Variants in INO80 observed in about 807,000 individuals in gnomAD.
The protein encoded by INO80 is INO80 complex ATPase subunit.
A neutral mutation model predicts 203.4 loss-of-function variants in INO80; 20 were observed. The ratio of observed to expected loss-of-function variants is 0.10; its 90% CI spans 0.07 to 0.14. The LOEUF (loss-of-function observed/expected upper bound fraction) is 0.14, where lower values mean the gene tolerates loss of function less well. Among genes scored for constraint, INO80 ranks in the 10% least tolerant of loss-of-function variants. INO80 has a pLI of 1.00. For missense variants in INO80, 1,419 were observed against 1,914.4 expected (o/e 0.74, Z 4.83); for synonymous variants, 726 against 685.2 (o/e 1.06, Z -0.93).
At chr15:41,114,726 G>C (rs1313241485) in intron 1 of INO80, among the ~76,000 whole-genome samples, 1 of 148,968 alleles carries the variant, frequency 6.7e-6, no homozygotes, top group African/African-American at 2.5e-5. Context: ...AAAAAAAAAA[G>C]GAATTAAGTA....
chr15:41,109,707 G>A (rs1396883025), intron 1 of INO80, among the ~76,000 whole-genome samples: 1 of 151,752 alleles, frequency 6.6e-6, no homozygotes, highest in African/African-American at 2.4e-5. Context: ...CGAGGCAGAT[G>A]GATCACCTGA....
rs201358643 is a variant in INO80, at chr15:41,090,421, C to CA, written c.537+1605dup. ...TGAAAACCCGTCTTTACTAAAAACG[C>CA]AAAAAAAAAGCCGGGCGTGGTGGCA... On this transcript the variant is annotated intron_variant, in intron 5 of 35. Coordinates refer to ENST00000648947, the MANE Select transcript of INO80 (RefSeq NM_017553.3). Among the ~76,000 whole-genome samples the CA allele has an allele frequency of 2.4e-3, 352 of 149,354 alleles. 1 individual carries two copies. Among genetic ancestry groups the CA allele is most frequent in the African/African-American group, 7.9e-3 (323 of 40,752 alleles).
At chr15:41,052,608 A>G (rs2140536530) in intron 19 of INO80, among the ~76,000 whole-genome samples, 1 of 148,496 alleles carries the variant, frequency 6.7e-6, no homozygotes, top group Middle Eastern at 3.5e-3. Context: ...AGGAGGTCAA[A>G]GCTGAAGTGA....
rs1404882439 is a variant in INO80 at position 41,073,337 on chromosome 15, G to C, written c.1395+91C>G. The stretch of plus-strand genomic sequence containing the variant: ...CTAGTCTATGCTTTTAATTGCAAAT[G>C]TGATTAAGACTAAAGGAAGACCACC... On this transcript the variant is annotated intron_variant, in intron 11 of 35. Transcript: ENST00000648947. The C allele has an allele frequency of 8.5e-6, 9 of 1,058,278 alleles. No homozygotes were observed. In the East Asian group the frequency reaches 2.1e-4, roughly 25 times the overall value. 65.6% of individuals were successfully genotyped at this position (1,058,278 alleles called of 1,614,324 possible).
At chr15:41,017,152 A>C (rs924790361) in intron 26 of INO80, 11 of 152,274 alleles carry the variant, frequency 7.2e-5, no homozygotes, top group South Asian at 4.1e-4. Context: ...CTCACTCACT[A>C]ACTTGTGCTT....
chr15:41,017,556 C>T (rs2044229013), intron 26 of INO80: 1 of 152,240 alleles, frequency 6.6e-6, no homozygotes, highest in Admixed American at 6.5e-5. Context: ...TCTCAACAGT[C>T]ATTCTCTGTT....
At chr15:41,059,115 C>A (rs1242972794) in intron 15 of INO80, among the ~76,000 whole-genome samples, 1 of 151,862 alleles carries the variant, frequency 6.6e-6, no homozygotes, top group Non-Finnish European at 1.5e-5. Flanking sequence ...CCATGCCCGG[C>A]TAATTTTTTT....
At chr15:41,006,781 G>A (rs760861749) in intron 27 of INO80, among the ~76,000 whole-genome samples, 2 of 152,114 alleles carry the variant, frequency 1.3e-5, no homozygotes, top group Non-Finnish European at 2.9e-5. Context: ...CATCTTCATT[G>A]TGTTTTATAT....
intron 19 of INO80, among the ~76,000 whole-genome samples, chr15:41,051,822 G>A (rs898367002): frequency 6.6e-6 from 1 of 152,078 alleles, no homozygotes; most frequent in Admixed American, 6.6e-5. Flanking sequence ...CTGGGCGTTA[G>A]TGGTACACAC....
At chr15:41,025,694 G>A (rs1178163011) in intron 25 of INO80, among the ~76,000 whole-genome samples, 3 of 152,046 alleles carry the variant, frequency 2.0e-5, no homozygotes, top group African/African-American at 7.2e-5. Context: ...CAGCCTGGGT[G>A]AGAGAGCAAG....
intron 20 of INO80, 103 bp from the exon 21 acceptor site, chr15:41,049,523 T>C: frequency 1.9e-6 from 2 of 1,036,532 alleles, no homozygotes; most frequent in African/African-American, 1.6e-5. Context: ...GAATGGATAC[T>C]TTCCCATTTT....
intron 1 of INO80, among the ~76,000 whole-genome samples, chr15:41,113,711 C>G (rs191435835): frequency 1.3e-5 from 2 of 152,304 alleles, no homozygotes; most frequent in East Asian, 3.9e-4. Context: ...GATCCTCTTG[C>G]CTCCTGAGTA....
chr15:41,109,894 T>G (rs2045934525), intron 1 of INO80, among the ~76,000 whole-genome samples: 1 of 149,796 alleles, frequency 6.7e-6, no homozygotes, highest in Non-Finnish European at 1.5e-5. Context: ...ATAGTACCAC[T>G]GCACTCCAGC....
chr15:41,070,382 ACATAGTGCTT>A, intron 13 of INO80, 75 bp downstream of exon 13: 1 of 1,175,314 alleles, frequency 8.5e-7, no homozygotes, highest in Non-Finnish European at 1.3e-6. Context: ...ACACAGCTTA[ACATAGTGCTT>A]TTAAGTGGCT....
chr15:41,112,786 CAAAAAAAAAAA>C lies in INO80; in HGVS notation c.-44+3176_-44+3186del, dbSNP rs893121991. ...CTGGCGACAGGGCAAGACTCCATCT[CAAAAAAAAAAA>C]AAAAAAAAAAAAAAAACTTTTCAAC... On this transcript the variant is annotated intron_variant, in intron 1 of 35. Transcript: ENST00000648947. Among the ~76,000 whole-genome samples, 8 of 19,198 alleles carry C rather than the reference CAAAAAAAAAAA, an allele frequency of 4.2e-4. No individual in the cohort carries two copies. In the East Asian group the frequency reaches 8.7e-3, roughly 21 times the overall value. The allele number at this position is 19,198 out of a possible 152,430, so 12.6% of individuals were successfully genotyped here. A position where few individuals can be genotyped will look rare whatever the true frequency, so the allele number is the denominator to read the frequency against.
At chr15:41,057,735 T>G (rs2045014847) in intron 16 of INO80, among the ~76,000 whole-genome samples, 1 of 136,794 alleles carries the variant, frequency 7.3e-6, no homozygotes, top group Non-Finnish European at 1.5e-5. Context: ...AGGTGGAGGT[T>G]GCAGTGAGCC....
In INO80 at chr15:41,003,553, C is replaced by T. The variant is rs142961605; in HGVS notation, c.3497+2040G>A. ...CCATGTTGGCTGGGCTGGTCTCGAA[C>T]TCCTGACCTCAGATGACCCGCCCAC... On this transcript the variant is annotated intron_variant, in intron 28 of 35. Transcript: ENST00000648947. Among the ~76,000 whole-genome samples the T allele has an allele frequency of 2.8e-3, 424 of 152,122 alleles. 2 individuals carry two copies. The highest frequency in any genetic ancestry group is 5.2e-3 in the Non-Finnish European group (352 of 67,988).
At position 41,020,901 on chromosome 15, in the gene INO80, T is replaced by C; in HGVS notation, c.3273A>G (p.Pro1091=). 1 of 1,603,260 alleles carries C rather than the reference T, an allele frequency of 6.2e-7. No homozygotes were observed. Among genetic ancestry groups the C allele is most frequent in the Non-Finnish European group, 8.5e-7 (1 of 1,170,644 alleles). ...PQNGWSFIRI[P]GKESLITDSG... ...ATTCCAAGAGGATTGAGAACTCACC[T>C]GGAATCCTGATGAAAGACCAGCCAT... Residue 1091 remains proline (P), a splice_region_variant and synonymous_variant, in exon 26 of 36, where the codon CCA becomes CCG. Coordinates refer to ENST00000648947, the MANE Select transcript of INO80 (RefSeq NM_017553.3).
chr15:41,060,839 C>T (rs1449324224), intron 14 of INO80, among the ~76,000 whole-genome samples: 1 of 152,198 alleles, frequency 6.6e-6, no homozygotes, highest in Non-Finnish European at 1.5e-5. Flanking sequence ...TAAATCCTCT[C>T]TAGAAGAAAA....
Sources: allele counts gnomAD v4.1 joint callset (sites outside exome capture counted in the v4.1 genomes callset), GRCh38; gene constraint gnomAD v4.1.1; transcripts MANE v1.5; gene names NCBI Gene and HGNC (gene_info 2026-07-23, HGNC 2026-07-21).